The following INPP5B variants were observed in gnomAD, a reference collection of about 807,000 sequenced individuals.
INPP5B encodes type II inositol 1,4,5-trisphosphate 5-phosphatase.
INPP5B carries 90 observed loss-of-function variants against 118.5 expected under a neutral mutation model. The ratio of observed to expected loss-of-function variants is 0.76; its 90% CI spans 0.64 to 0.90. The LOEUF (loss-of-function observed/expected upper bound fraction) is 0.90. INPP5B is among the 40% of genes least tolerant of loss of function. INPP5B has a pLI of 0.00. For synonymous variants in INPP5B, 385 were observed against 418.9 expected (o/e 0.92, Z 0.99); for missense variants, 984 against 1,125.6 (o/e 0.87, Z 1.80).
chr1:37,883,591 G>A (rs986252277), intron 13 of INPP5B: 9 of 985,266 alleles, frequency 9.1e-6, no homozygotes, highest in African/African-American at 3.5e-5. Context: ...AATCTGCACA[G>A]CAGTACACGC....
rs183679139 is a variant in INPP5B, at chr1:37,926,428, C to T, written c.532+5485G>A. Among the ~76,000 whole-genome samples the T allele has an allele frequency of 1.1e-4, 16 of 152,092 alleles. No individual in the cohort carries two copies. In the East Asian group the frequency reaches 2.5e-3, roughly 24 times the overall value. On this transcript the variant is annotated intron_variant, in intron 7 of 23. Transcript: ENST00000373024. ...GCCTCTCAAGTAGCTGGGATACAGGCGCACGCCACCACGCCCAGCTAATTT... is the reference window on the plus strand; with the variant it reads ...GCCTCTCAAGTAGCTGGGATACAGGTGCACGCCACCACGCCCAGCTAATTT...
chr1:37,864,132 T>C (rs114153295), intron 23 of INPP5B, among the ~76,000 whole-genome samples, 180 bp downstream of exon 23: 1,775 of 152,126 alleles, frequency 0.012, 23 homozygotes, highest in Non-Finnish European at 0.017. Context: ...ATACTTACTC[T>C]TGTGTTGTTA....
In INPP5B at chr1:37,866,526, T is replaced by A. The variant is rs750222005; in HGVS notation, c.2319A>T (p.Gln773His). The stretch of plus-strand genomic sequence containing the variant: ...GTTCAAATTCTGACCTCAGGCCTGG[T>A]TGCTGAAACAGATCTTCCTGCAAAA... ...NAVQQEDLFQ[Q>H]PGLRSEFEHI... Residue 773 changes from glutamine (Q) to histidine (H), a missense_variant, in exon 21 of 24, where the codon CAA becomes CAT. By Grantham distance (24) the Gln-to-His change is conservative. Coordinates refer to ENST00000373024, the MANE Select transcript of INPP5B (RefSeq NM_005540.3). 1 of 1,606,914 alleles carries A rather than the reference T, an allele frequency of 6.2e-7. No individual in the cohort carries two copies. Among genetic ancestry groups the A allele is most frequent in the Non-Finnish European group, 8.5e-7 (1 of 1,173,502 alleles).
At chr1:37,931,553 G>T (rs1359757644) in intron 7 of INPP5B, 1 of 1,537,362 alleles carries the variant, frequency 6.5e-7, no homozygotes, top group Admixed American at 2.0e-5. Flanking sequence ...GGGCCACCAG[G>T]ACTTTGGTCT....
At chr1:37,890,800 A>G (rs1381134057) in intron 8 of INPP5B, among the ~76,000 whole-genome samples, 1 of 152,198 alleles carries the variant, frequency 6.6e-6, no homozygotes, top group African/African-American at 2.4e-5. Flanking sequence ...TGGGTGAGTT[A>G]TATAACTTCT....
intron 21 of INPP5B, 91 bp downstream of exon 21, chr1:37,866,368 C>T (rs906854827): frequency 8.8e-5 from 62 of 705,336 alleles, no homozygotes; most frequent in Non-Finnish European, 6.0e-5. Context: ...TACTTTTTCT[C>T]ACCCCTCTCA....
rs1415309182 is a variant in INPP5B, at chr1:37,946,160, G to C, written c.57+92C>G. 2.3e-5 allele frequency: 27 copies of C among 1,194,420 alleles called. No homozygotes were observed. In the South Asian group the frequency reaches 3.5e-4, roughly 16 times the overall value. 74.0% of individuals were successfully genotyped at this position (1,194,420 alleles called of 1,614,324 possible). On this transcript the variant is annotated intron_variant, in intron 2 of 23. Coordinates refer to ENST00000373024, the MANE Select transcript of INPP5B (RefSeq NM_005540.3). The stretch of plus-strand genomic sequence containing the variant: ...TTCCTTCTCCCCTGATGGTTCAGAG[G>C]GGCAGGAGAGGGGATAGACACCTCG...
chr1:37,909,227 TCTC>T (rs1644601762), intron 7 of INPP5B, among the ~76,000 whole-genome samples: 2 of 152,118 alleles, frequency 1.3e-5, no homozygotes, highest in Admixed American at 1.3e-4. Flanking sequence ...TTCTTCTTTC[TCTC>T]CTGTCTGTTC....
intron 7 of INPP5B, among the ~76,000 whole-genome samples, chr1:37,913,366 G>A (rs907778902): frequency 1.3e-5 from 2 of 152,096 alleles, no homozygotes; most frequent in Non-Finnish European, 2.9e-5. Flanking sequence ...CAAGGATAGA[G>A]CCCCAAAACT....
At position 37,882,790 on chromosome 1, in the gene INPP5B, C is replaced by G. The variant is rs568657228; in HGVS notation, c.1431+17G>C. On this transcript the variant is annotated intron_variant, in intron 14 of 23. Transcript: ENST00000373024. ...GGAGGACAGCTGCTGGAAGAGGGCA[C>G]AGGTGGCCATCTGTACCTGATCATA... 3.8e-6 allele frequency: 6 copies of G among 1,585,664 alleles called. No individual in the cohort carries two copies. The African/African-American group carries it at 6.7e-5, about 18-fold the overall frequency.
At chr1:37,888,104 G>A in intron 10 of INPP5B, 139 bp downstream of exon 10, 1 of 486,856 alleles carries the variant, frequency 2.1e-6, no homozygotes, top group Non-Finnish European at 3.5e-6. Context: ...TTGCCATGAG[G>A]AAGAACATCA....
Position 37,940,505 on chromosome 1 carries a change from G to A in INPP5B, c.391+183C>T, listed in dbSNP as rs149628745. The stretch of plus-strand genomic sequence containing the variant: ...TAGTTAACACTCAACTCCAGAAACT[G>A]TAAACACAAAAGCAAACACCATGGT... On this transcript the variant is annotated intron_variant, in intron 6 of 23. Coordinates refer to ENST00000373024, the MANE Select transcript of INPP5B (RefSeq NM_005540.3). Among the ~76,000 whole-genome samples, 298 of 152,302 alleles carry A rather than the reference G, an allele frequency of 2.0e-3. 2 individuals carry two copies. Among genetic ancestry groups the A allele is most frequent in the African/African-American group, 6.6e-3 (275 of 41,572 alleles).
rs755081175 is a variant in INPP5B at position 37,864,405 on chromosome 1, T to C, written c.2533A>G (p.Ile845Val). Reference sequence around the variant, plus strand: ...TAGTGGAAGACATTTTTGTGGAATATGGGGAGAGTAGAAATGACCTGAAAG... The same window carrying C: ...TAGTGGAAGACATTTTTGTGGAATACGGGGAGAGTAGAAATGACCTGAAAG... The part of the protein sequence containing the change: ...ASKQVISTLP[I>V]FHKNVFHYLM... The change falls in exon 23 of 24, where the codon ATA becomes GTA. Residue 845 changes from isoleucine to valine, a missense_variant. Ile to Val is a conservative substitution (Grantham distance 29). Around this residue, in one of 2 missense-constraint regions of INPP5B, gnomAD observed 634 missense variants for 791.0 expected, o/e 0.80. Transcript: ENST00000373024. 21 of 1,609,120 alleles carry C rather than the reference T, an allele frequency of 1.3e-5. No homozygotes were observed. The highest frequency in any genetic ancestry group is 1.8e-5 in the Non-Finnish European group (21 of 1,175,672).
At chr1:37,878,123 A>G (rs978053597) in intron 16 of INPP5B, 65 bp downstream of exon 16, 4 of 1,555,336 alleles carry the variant, frequency 2.6e-6, no homozygotes, top group South Asian at 2.3e-5. Flanking sequence ...AAGACAAGAA[A>G]TGGTCTTAGT....
chr1:37,869,589 C>T (rs1444739315), intron 19 of INPP5B, among the ~76,000 whole-genome samples: 1 of 152,102 alleles, frequency 6.6e-6, no homozygotes. Context: ...AAGCGATTCT[C>T]CTGCCTCAGC....
At chr1:37,881,386 A>G (rs1348474336) in intron 14 of INPP5B, among the ~76,000 whole-genome samples, 2 of 152,214 alleles carry the variant, frequency 1.3e-5, no homozygotes, top group African/African-American at 4.8e-5. Context: ...CTTCCAGATC[A>G]CACTCTCAGC....
chr1:37,921,036 G>A (rs1645036811), intron 7 of INPP5B, among the ~76,000 whole-genome samples: 3 of 152,070 alleles, frequency 2.0e-5, no homozygotes, highest in Admixed American at 2.0e-4. Flanking sequence ...AACACGGGAG[G>A]TGGAGTTTGC....
intron 16 of INPP5B, 119 bp downstream of exon 16, chr1:37,878,060 AAATTGTCCT>A: frequency 2.7e-6 from 3 of 1,100,160 alleles, no homozygotes; most frequent in Non-Finnish European, 3.9e-6. Flanking sequence ...TAATTGTTTT[AAATTGTCCT>A]AAAAGGGGCT....
At chr1:37,902,625 T>C (rs1644371853) in intron 7 of INPP5B, among the ~76,000 whole-genome samples, 1 of 152,112 alleles carries the variant, frequency 6.6e-6, no homozygotes, top group Non-Finnish European at 1.5e-5. Flanking sequence ...TGGCACAATC[T>C]CGGCTCACTG....
Sources: allele counts gnomAD v4.1 joint callset (sites outside exome capture counted in the v4.1 genomes callset), GRCh38; gene constraint gnomAD v4.1.1; regional missense constraint gnomAD v4.1.1; transcripts MANE v1.5; gene names NCBI Gene and HGNC (gene_info 2026-07-23, HGNC 2026-07-21).